CLCA2: variants seen among roughly 807,000 people sequenced by gnomAD.
CLCA2 encodes the protein chloride channel accessory 2.
CLCA2 carries 85 observed loss-of-function variants against 82.9 expected under a neutral mutation model. The ratio of observed to expected loss-of-function variants is 1.03; its 90% CI spans 0.86 to 1.23. The LOEUF (loss-of-function observed/expected upper bound fraction) is 1.23. Ranked by LOEUF, CLCA2 falls within the 50% of genes most tolerant of loss-of-function variation. The pLI is 0.00. For missense variants in CLCA2, 1,089 were observed against 1,124.8 expected (o/e 0.97, Z 0.45); for synonymous variants, 421 against 391.7 (o/e 1.07, Z -0.88).
chr1:86,434,444 G>A (rs1251709756), intron 5 of CLCA2, 74 bp from the exon 6 acceptor site: 1 of 1,257,980 alleles, frequency 7.9e-7, no homozygotes, highest in South Asian at 1.3e-5. Context: ...TTTACCTATA[G>A]TTCCTTGAGA....
rs957055616 is a variant in CLCA2, at chr1:86,455,905, AT to A, written c.*380del. 1.2e-4 allele frequency: 18 copies of A among 153,852 alleles called. No individual in the cohort carries two copies. The highest frequency in any genetic ancestry group is 2.5e-4 in the Non-Finnish European group (17 of 69,236). 9.5% of individuals were successfully genotyped at this position (153,852 alleles called of 1,614,324 possible). ...GTGAAGCAATCATTTAGTTACTTTG[AT>A]TAATTTTTCTTTTCTCCTTATCTGT... On this transcript the variant is annotated 3_prime_UTR_variant, in exon 14 of 14. Coordinates refer to ENST00000370565, the MANE Select transcript of CLCA2 (RefSeq NM_006536.7).
chr1:86,429,176 A>G (rs1434416121), intron 3 of CLCA2, among the ~76,000 whole-genome samples: 4 of 152,182 alleles, frequency 2.6e-5, no homozygotes, highest in African/African-American at 9.7e-5. Context: ...AACTGGGAGA[A>G]GTCGAGGTAT....
chr1:86,448,847 G>T (rs1411403376), intron 11 of CLCA2, among the ~76,000 whole-genome samples: 1 of 152,234 alleles, frequency 6.6e-6, no homozygotes, highest in Non-Finnish European at 1.5e-5. Flanking sequence ...ATCCATGGTT[G>T]CACCTTTCAT....
chr1:86,450,542 CTG>C lies in CLCA2; in HGVS notation c.1985-17_1985-16del, dbSNP rs1391535449. The C allele has an allele frequency of 1.9e-6, 3 of 1,584,982 alleles. No homozygotes were observed. Among genetic ancestry groups the C allele is most frequent in the Non-Finnish European group, 2.6e-6 (3 of 1,162,412 alleles). ...TCTACTATAATAACAAGTGTTGACA[CTG>C]TGTTTTTTATATATACAGGTGCTGA... On this transcript the variant is annotated intron_variant, in intron 11 of 13. Coordinates refer to ENST00000370565, the MANE Select transcript of CLCA2 (RefSeq NM_006536.7).
At chr1:86,424,509 C>A in intron 1 of CLCA2, 76 bp downstream of exon 1, 1 of 1,285,790 alleles carries the variant, frequency 7.8e-7, no homozygotes, top group Non-Finnish European at 1.1e-6. Context: ...GCTAACTACC[C>A]TGCCTGGTTT....
rs1395278119 is a variant in CLCA2 at position 86,439,025 on chromosome 1, G to T, written c.1122G>T (p.Lys374Asn). Residue 374 changes from lysine to asparagine, a missense_variant, in exon 7 of 14, where the codon AAG (lysine) becomes AAT (asparagine). Physicochemically the swap from Lys to Asn is moderately conservative, Grantham distance 94. Transcript: ENST00000370565. ...AAATTAACAGCAATGATGATCGAAA[G>T]TTGCTGGTTTCATATCTGCCCACCA... ...LHQINSNDDR[K>N]LLVSYLPTTV... is the part of the protein sequence containing the mutation. 6.2e-7 allele frequency: 1 copy of T among 1,614,136 alleles called. No homozygotes were observed. Among genetic ancestry groups the T allele is most frequent in the South Asian group, 1.1e-5 (1 of 91,078 alleles).
At chr1:86,432,282 C>A in intron 4 of CLCA2, 87 bp from the exon 5 acceptor site, 5 of 1,472,214 alleles carry the variant, frequency 3.4e-6, no homozygotes, top group South Asian at 1.2e-5. Context: ...AGGCTACAAT[C>A]CTTGTAATAA....
intron 13 of CLCA2, 147 bp from the exon 14 acceptor site, chr1:86,454,938 T>C: frequency 2.0e-6 from 1 of 497,824 alleles, no homozygotes; most frequent in East Asian, 3.2e-5. Context: ...GTGTAGTGTT[T>C]TAAAGTTTTG....
At position 86,444,015 on chromosome 1, in the gene CLCA2, G is replaced by A. The variant is rs752768953; in HGVS notation, c.1713+4G>A. 3.8e-6 allele frequency: 6 copies of A among 1,587,030 alleles called. No individual in the cohort carries two copies. In the Admixed American group the frequency reaches 1.0e-4, roughly 27 times the overall value. On this transcript the variant is annotated splice_donor_region_variant and intron_variant, in intron 10 of 13. Coordinates refer to ENST00000370565, the MANE Select transcript of CLCA2 (RefSeq NM_006536.7). ...TTGGATTCCAGGAACAGCTAAGGTA[G>A]GTGTTGTGAGTTTGTTCCTAAGGAC...
At chr1:86,447,430 A>C in intron 10 of CLCA2, 78 bp from the exon 11 acceptor site, 1 of 1,463,096 alleles carries the variant, frequency 6.8e-7, no homozygotes, top group Non-Finnish European at 9.3e-7. Context: ...AAAATTCTCC[A>C]GAAGTTTTGA....
intron 7 of CLCA2, among the ~76,000 whole-genome samples, chr1:86,439,880 A>G (rs12092398): frequency 0.067 from 10,237 of 152,214 alleles, 364 homozygotes; most frequent in Middle Eastern, 0.12. Flanking sequence ...CCTCTCACAC[A>G]ATAATGTATT....
chr1:86,443,289 A>G lies in CLCA2; in HGVS notation c.1489-498A>G, dbSNP rs547206642. On this transcript the variant is annotated intron_variant, in intron 9 of 13. Transcript: ENST00000370565. ...GGCAATCCACTCGCCTTGGCCTCCC[A>G]AAGTGCTGGGATTACAGGCATGAGC... 2.0e-5 allele frequency among the ~76,000 whole-genome samples: 3 copies of G among 152,306 alleles called. No individual in the cohort carries two copies. In the South Asian group the frequency reaches 6.2e-4, roughly 32 times the overall value.
At position 86,452,176 on chromosome 1, in the gene CLCA2, C is replaced by CTTTTT. The variant is rs753484167; in HGVS notation, c.2156-1173_2156-1169dup. On this transcript the variant is annotated intron_variant, in intron 12 of 13. Coordinates refer to ENST00000370565, the MANE Select transcript of CLCA2 (RefSeq NM_006536.7). ...CTTGCTCATTTTAGAAACCTGGAAG[C>CTTTTT]TTTTTTTTTTTTTTTTTTTTTTTTC... 4.3e-4 allele frequency among the ~76,000 whole-genome samples: 19 copies of CTTTTT among 43,940 alleles called. 1 individual carries two copies. Among genetic ancestry groups the CTTTTT allele is most frequent in the African/African-American group, 1.1e-3 (12 of 10,818 alleles). 28.8% of individuals were successfully genotyped at this position (43,940 alleles called of 152,430 possible).
At chr1:86,450,796 T>C in intron 12 of CLCA2, 63 bp downstream of exon 12, 1 of 1,392,798 alleles carries the variant, frequency 7.2e-7, no homozygotes, top group Non-Finnish European at 9.6e-7. Flanking sequence ...CTGATGGGTA[T>C]GTGTGTACTG....
At chr1:86,432,979 C>T (rs1662530890) in intron 5 of CLCA2, among the ~76,000 whole-genome samples, 1 of 152,252 alleles carries the variant, frequency 6.6e-6, no homozygotes, top group Non-Finnish European at 1.5e-5. Context: ...AGTCAACCAA[C>T]TCTGCTTTGC....
chr1:86,448,450 T>C (rs1662899213), intron 11 of CLCA2: 1 of 152,240 alleles, frequency 6.6e-6, no homozygotes, highest in African/African-American at 2.4e-5. Flanking sequence ...ACATTATAGA[T>C]GGTATAGCAT....
Position 86,453,408 on chromosome 1 carries a change from G to C in CLCA2, c.2195G>C (p.Arg732Thr), listed in dbSNP as rs770454499. The change falls in exon 13 of 14, where the codon AGA (arginine) becomes ACA (threonine). Residue 732 changes from arginine (R) to threonine (T), a missense_variant. Transcript: ENST00000370565. ...QMNAPRKSVG[R>T]NEEERKWGFS... ...AATGCTCCAAGGAAATCAGTAGGCAGAAATGAGGAGGAGCGAAAGTGGGGC... is the reference window on the plus strand; with the variant it reads ...AATGCTCCAAGGAAATCAGTAGGCACAAATGAGGAGGAGCGAAAGTGGGGC... 2 of 1,614,118 alleles carry C rather than the reference G, an allele frequency of 1.2e-6. No individual in the cohort carries two copies. Among genetic ancestry groups the C allele is most frequent in the South Asian group, 1.1e-5 (1 of 91,082 alleles).
At chr1:86,430,418 A>C (rs1458295349) in intron 3 of CLCA2, among the ~76,000 whole-genome samples, 1 of 152,166 alleles carries the variant, frequency 6.6e-6, no homozygotes. Context: ...TACCTGCAAG[A>C]AAAAAAGCAG....
intron 6 of CLCA2, among the ~76,000 whole-genome samples, chr1:86,438,477 C>A (rs1214316170): frequency 6.6e-6 from 1 of 152,162 alleles, no homozygotes; most frequent in Non-Finnish European, 1.5e-5. Context: ...CCTCTGACTG[C>A]CACTCCTCTC....
Sources: allele counts gnomAD v4.1 joint callset (sites outside exome capture counted in the v4.1 genomes callset), GRCh38; gene constraint gnomAD v4.1.1; transcripts MANE v1.5; gene names NCBI Gene and HGNC (gene_info 2026-07-23, HGNC 2026-07-21).